PDIA3: variants seen among roughly 807,000 people sequenced by gnomAD.
PDIA3 encodes protein disulfide isomerase family A member 3.
PDIA3 carries 16 observed loss-of-function variants against 56.9 expected under a neutral mutation model. The observed-to-expected ratio is 0.28, with a 90% CI of 0.19 to 0.43. The LOEUF (loss-of-function observed/expected upper bound fraction) is 0.43, where lower values mean the gene tolerates loss of function less well. Among genes scored for constraint, PDIA3 ranks in the 20% least tolerant of loss-of-function variants. The pLI is 1.00. For missense variants in PDIA3, 485 were observed against 621.3 expected (o/e 0.78, Z 2.33); for synonymous variants, 192 against 216.5 (o/e 0.89, Z 0.99).
rs1291776006 is a variant in PDIA3, at chr15:43,761,602, A to G, written c.472+71A>G. ...TTCCAAAACCCTCCATGTCTGGGAA[A>G]ACCACAGAATTAAAGCAGTTAAGGA... On this transcript the variant is annotated intron_variant, in intron 4 of 12. Coordinates refer to ENST00000300289, the MANE Select transcript of PDIA3 (RefSeq NM_005313.5). 6.0e-6 allele frequency: 5 copies of G among 835,034 alleles called. No individual in the cohort carries two copies. The African/African-American group carries it at 8.5e-5, about 14-fold the overall frequency. The allele number at this position is 835,034 out of a possible 1,614,324, so 51.7% of individuals were successfully genotyped here.
chr15:43,771,267 G>C lies in PDIA3; in HGVS notation c.*49G>C. On this transcript the variant is annotated 3_prime_UTR_variant, in exon 13 of 13. Transcript: ENST00000300289. The stretch of plus-strand genomic sequence containing the variant: ...TAAAAGGACTCTTCCATCAGAGATG[G>C]GAAAACCATTGGGGAGGACTAGGAC... 1 of 1,231,840 alleles carries C rather than the reference G, an allele frequency of 8.1e-7. No individual in the cohort carries two copies. Among genetic ancestry groups the C allele is most frequent in the Non-Finnish European group, 1.2e-6 (1 of 843,320 alleles). The allele number at this position is 1,231,840 out of a possible 1,614,324, so 76.3% of individuals were successfully genotyped here. A position where few individuals can be genotyped will look rare whatever the true frequency, so the allele number is the denominator to read the frequency against.
chr15:43,766,949 A>G, intron 8 of PDIA3, 39 bp downstream of exon 8: 1 of 1,569,200 alleles, frequency 6.4e-7, no homozygotes, highest in South Asian at 1.1e-5. Context: ...CAAGGCAATT[A>G]TTAAAGCCTT....
chr15:43,761,241 CAAA>C (rs34237990), intron 3 of PDIA3, among the ~76,000 whole-genome samples, 180 bp from the exon 4 acceptor site: 15 of 95,492 alleles, frequency 1.6e-4, no homozygotes, highest in East Asian at 3.3e-4. Flanking sequence ...GACTCTGTCT[CAAA>C]AAAAAAAAAA....
In PDIA3 at chr15:43,766,800, C is replaced by G. The variant is rs2086850096; in HGVS notation, c.918C>G (p.Thr306=). 1 of 1,613,400 alleles carries G rather than the reference C, an allele frequency of 6.2e-7. No individual in the cohort carries two copies. The highest frequency in any genetic ancestry group is 8.5e-7 in the Non-Finnish European group (1 of 1,179,450). ...ACTTTGCTGTAGCTAGCCGCAAAAC[C>G]TTTAGCCATGAACTTTCTGATTTTG... is the stretch of plus-strand genomic sequence containing the variant. The part of the protein sequence containing the change: ...KLNFAVASRK[T]FSHELSDFGL... The change falls in exon 8 of 13, where the codon ACC becomes ACG. Residue 306 remains threonine (T), a synonymous_variant. Coordinates refer to ENST00000300289, the MANE Select transcript of PDIA3 (RefSeq NM_005313.5).
At chr15:43,750,227 G>T (rs2086735139) in intron 1 of PDIA3, among the ~76,000 whole-genome samples, 1 of 145,546 alleles carries the variant, frequency 6.9e-6, no homozygotes, top group African/African-American at 2.5e-5. Context: ...TGTTGGCCAG[G>T]CTGGTCTTGA....
chr15:43,760,351 G>A (rs932389298), intron 3 of PDIA3, among the ~76,000 whole-genome samples: 31 of 149,340 alleles, frequency 2.1e-4, no homozygotes, highest in Admixed American at 1.7e-3. Context: ...TGATCATGCC[G>A]CTGGACCCCA....
intron 1 of PDIA3, among the ~76,000 whole-genome samples, chr15:43,749,709 C>T (rs574684249): frequency 1.3e-5 from 2 of 152,186 alleles, no homozygotes; most frequent in South Asian, 4.1e-4. Flanking sequence ...GGGAAAATCA[C>T]TTGAACCCAG....
At chr15:43,768,627 G>A (rs2086862820) in intron 9 of PDIA3, 30 bp downstream of exon 9, 1 of 1,374,698 alleles carries the variant, frequency 7.3e-7, no homozygotes. Context: ...ATCAAGCTAT[G>A]AGCAATTGCC....
Position 43,755,063 on chromosome 15 carries a change from C to T in PDIA3, c.246+1161C>T, listed in dbSNP as rs559347054. Among the ~76,000 whole-genome samples, 36 of 152,210 alleles carry T rather than the reference C, an allele frequency of 2.4e-4. 1 individual carries two copies. Among genetic ancestry groups the T allele is most frequent in the African/African-American group, 8.7e-4 (36 of 41,510 alleles). On this transcript the variant is annotated intron_variant, in intron 2 of 12. Coordinates refer to ENST00000300289, the MANE Select transcript of PDIA3 (RefSeq NM_005313.5). Reference sequence around the variant, plus strand: ...CATTGAGGCTGGGCACGGTGGCTCACGCCTGTAATCCCAGCACTTTGACAG... The same window carrying T: ...CATTGAGGCTGGGCACGGTGGCTCATGCCTGTAATCCCAGCACTTTGACAG...
Position 43,765,446 on chromosome 15 carries a change from T to A in PDIA3, c.603-4T>A, listed in dbSNP as rs201446680. ...TACTGAGACTTTTCTTTTTTTTTTT[T>A]AAGGGGTATCATCTTATTTCGTCCT... On this transcript the variant is annotated splice_polypyrimidine_tract_variant and splice_region_variant and intron_variant, in intron 5 of 12. Transcript: ENST00000300289. The A allele has an allele frequency of 1.4e-4, 216 of 1,518,942 alleles. No homozygotes were observed. Among genetic ancestry groups the A allele is most frequent in the Admixed American group, 3.4e-5 (2 of 58,398 alleles). The allele number at this position is 1,518,942 out of a possible 1,614,324, so 94.1% of individuals were successfully genotyped here. A position where few individuals can be genotyped will look rare whatever the true frequency, so the allele number is the denominator to read the frequency against.
At position 43,762,511 on chromosome 15, in the gene PDIA3, CAAAAAAAA is replaced by C. The variant is rs767755194; in HGVS notation, c.473-555_473-548del. ...GGGCAACAAGAGCAAAACTCTGTCG[CAAAAAAAA>C]AAAAAAAAAAGTGACTTTCTGGCAG... On this transcript the variant is annotated intron_variant, in intron 4 of 12. Coordinates refer to ENST00000300289, the MANE Select transcript of PDIA3 (RefSeq NM_005313.5). Among the ~76,000 whole-genome samples, 5 of 55,968 alleles carry C rather than the reference CAAAAAAAA, an allele frequency of 8.9e-5. 1 individual carries two copies. In the Admixed American group the frequency reaches 1.0e-3, roughly 11 times the overall value. 36.7% of individuals were successfully genotyped at this position (55,968 alleles called of 152,430 possible). A position where few individuals can be genotyped will look rare whatever the true frequency, so the allele number is the denominator to read the frequency against.
At chr15:43,746,766 C>CG (rs1254229918) in intron 1 of PDIA3, 60 bp downstream of exon 1, 1 of 1,578,618 alleles carries the variant, frequency 6.3e-7, no homozygotes, top group African/African-American at 1.3e-5. Flanking sequence ...GGCGAGAGCG[C>CG]GGGGAACTGT....
chr15:43,768,367 G>GA, intron 8 of PDIA3, 122 bp from the exon 9 acceptor site: 1 of 636,366 alleles, frequency 1.6e-6, no homozygotes, highest in Non-Finnish European at 2.9e-6. Context: ...ATTGAGAGAT[G>GA]AGAGTCCCCC....
chr15:43,762,401 C>T (rs917483111), intron 4 of PDIA3, among the ~76,000 whole-genome samples: 2 of 151,744 alleles, frequency 1.3e-5, no homozygotes, highest in African/African-American at 4.8e-5. Flanking sequence ...ATCTCAGCTA[C>T]TCGGGAGGCT....
rs2086880546 is a variant in PDIA3 at position 43,771,298 on chromosome 15, T to C, written c.*80T>C. On this transcript the variant is annotated 3_prime_UTR_variant, in exon 13 of 13. Transcript: ENST00000300289. ...CCATTGGGGAGGACTAGGACCCATA[T>C]GGGAATTATTACCTCTCAGGGCCGA... The C allele has an allele frequency of 1.2e-6, 1 of 831,498 alleles. No individual in the cohort carries two copies. 51.5% of individuals were successfully genotyped at this position (831,498 alleles called of 1,614,324 possible).
chr15:43,752,944 A>G, intron 1 of PDIA3: 1 of 464,396 alleles, frequency 2.2e-6, no homozygotes, highest in South Asian at 1.6e-5. Flanking sequence ...CCCTCTGGGA[A>G]AGGTATTCTA....
At chr15:43,770,706 TTGC>T in intron 12 of PDIA3, 126 bp downstream of exon 12, 1 of 703,564 alleles carries the variant, frequency 1.4e-6, no homozygotes, top group South Asian at 1.8e-5. Flanking sequence ...TTCGCTCTTG[TTGC>T]CTGGGCTGGA....
At chr15:43,751,145 A>T (rs970486511) in intron 1 of PDIA3, among the ~76,000 whole-genome samples, 19 of 117,906 alleles carry the variant, frequency 1.6e-4, no homozygotes, top group African/African-American at 4.4e-4. Context: ...AAAAAAAAAA[A>T]AAATAATATA....
chr15:43,751,689 A>G, intron 1 of PDIA3: 1 of 1,303,692 alleles, frequency 7.7e-7, no homozygotes, highest in South Asian at 1.2e-5. Context: ...AAGGCAGTGG[A>G]TTTTAGTCCC....
Sources: gnomAD v4.1 joint callset for allele counts (sites outside exome capture counted in the v4.1 genomes callset) on GRCh38, gnomAD v4.1.1 for gene constraint, MANE v1.5 for transcripts, NCBI Gene and HGNC (gene_info 2026-07-23, HGNC 2026-07-21) for gene names.